The following GPHN variants were observed in gnomAD, a reference collection of about 807,000 sequenced individuals.
The protein encoded by GPHN is gephyrin.
GPHN carries 17 observed loss-of-function variants against 95.5 expected under a neutral mutation model. The ratio of observed to expected loss-of-function variants is 0.18; its 90% CI spans 0.12 to 0.27. The LOEUF is 0.27. GPHN is among the 10% of genes least tolerant of loss of function. The probability of loss-of-function intolerance (pLI) is 1.00; values close to 1 mark genes in which losing one functional copy is unlikely to be tolerated. For missense variants in GPHN, 660 were observed against 978.1 expected, an observed-to-expected ratio of 0.67 and a Z score of 4.34; for synonymous variants, 320 against 322.5, an observed-to-expected ratio of 0.99 and a Z score of 0.08.
At chr14:67,473,952 C>T in the GPHN span, 2 of 1,574,240 alleles carry the variant, frequency 1.3e-6, no homozygotes, top group East Asian at 4.6e-5. The surrounding 1 kb of genome is among the most constrained non-coding windows in gnomAD (Gnocchi z 6.5). Flanking sequence ...CTGCGGGGGG[C>T]GCAAGAGAGA....
At chr14:66,992,081 A>G (rs1430094878) in intron 9 of GPHN, among the ~76,000 whole-genome samples, 1 of 152,072 alleles carries the variant, frequency 6.6e-6, no homozygotes, top group Non-Finnish European at 1.5e-5. Flanking sequence ...AAAAGAAAGG[A>G]AAGGAATGAA....
intron 1 of GPHN, among the ~76,000 whole-genome samples, chr14:66,578,842 A>G (rs1314686300): frequency 1.3e-5 from 2 of 151,852 alleles, no homozygotes; most frequent in Non-Finnish European, 2.9e-5. Flanking sequence ...TTAAGCTGAA[A>G]GAAAAGGATG....
At chr14:67,559,661 C>A in the GPHN span, 119 of 1,606,648 alleles carry the variant, frequency 7.4e-5, 1 homozygote, top group Middle Eastern at 8.2e-4. Context: ...CTGCAAAGAT[C>A]AAGGAATGGG....
chr14:66,731,949 G>A (rs977718276), intron 2 of GPHN, among the ~76,000 whole-genome samples: 1 of 152,236 alleles, frequency 6.6e-6, no homozygotes, highest in South Asian at 2.1e-4. Flanking sequence ...TTCAGAGGGT[G>A]CAAGCCCCAA....
chr14:66,575,919 T>A (rs1296447455), intron 1 of GPHN, among the ~76,000 whole-genome samples: 1 of 152,138 alleles, frequency 6.6e-6, no homozygotes, highest in African/African-American at 2.4e-5. Flanking sequence ...GGGGCAGGCC[T>A]GGAACTTTAA....
chr14:67,150,222 C>T (rs1459117792), intron 18 of GPHN, among the ~76,000 whole-genome samples: 5 of 151,676 alleles, frequency 3.3e-5, no homozygotes, highest in Non-Finnish European at 7.4e-5. Flanking sequence ...GCGGGCGGAT[C>T]ACGAGATCAG....
chr14:66,741,660 G>A (rs2072803338), intron 2 of GPHN, among the ~76,000 whole-genome samples: 1 of 152,100 alleles, frequency 6.6e-6, no homozygotes, highest in Non-Finnish European at 1.5e-5. Context: ...TTTCAAGTTT[G>A]TACATATGTT....
chr14:66,562,277 C>T (rs963305360), intron 1 of GPHN, among the ~76,000 whole-genome samples: 1 of 152,088 alleles, frequency 6.6e-6, no homozygotes, highest in African/African-American at 2.4e-5. Flanking sequence ...AGTGTGATGA[C>T]TCTAGTATTG....
At chr14:67,376,543 C>T in the GPHN span, 1 of 1,614,086 alleles carries the variant, frequency 6.2e-7, no homozygotes, top group South Asian at 1.1e-5. Flanking sequence ...ATGACAAGTA[C>T]AAGAGACCTG....
At chr14:67,374,984 A>G in the GPHN span, among the ~76,000 whole-genome samples, 1 of 152,216 alleles carries the variant, frequency 6.6e-6, no homozygotes, top group Non-Finnish European at 1.5e-5. Flanking sequence ...AAGAATGAAC[A>G]GGGGTTTATA....
chr14:67,367,825 G>C, the GPHN span, among the ~76,000 whole-genome samples: 1 of 150,944 alleles, frequency 6.6e-6, no homozygotes, highest in Non-Finnish European at 1.5e-5. Context: ...GATAGAACCA[G>C]ACCTTGTCTC....
intron 4 of GPHN, among the ~76,000 whole-genome samples, chr14:66,860,077 A>G (rs1336936110): frequency 6.6e-6 from 1 of 152,174 alleles, no homozygotes; most frequent in Non-Finnish European, 1.5e-5. Flanking sequence ...ATAATATGAG[A>G]GAACTTCCAA....
chr14:67,393,217 A>C, the GPHN span: 1 of 1,613,898 alleles, frequency 6.2e-7, no homozygotes. Flanking sequence ...CGGTGTTGCT[A>C]TCGTGCATCT....
the GPHN span, chr14:67,726,849 G>C: frequency 2.7e-6 from 2 of 754,606 alleles, no homozygotes; most frequent in Non-Finnish European, 4.6e-6. Flanking sequence ...CTGACCATTA[G>C]AGTTACTCAT....
At chr14:67,727,126 T>G in the GPHN span, 1 of 1,614,200 alleles carries the variant, frequency 6.2e-7, no homozygotes, top group Non-Finnish European at 8.5e-7. Context: ...GCAGGGGTTT[T>G]GCCTATTGCC....
intron 5 of GPHN, among the ~76,000 whole-genome samples, chr14:66,904,451 A>G (rs544976503): frequency 6.6e-6 from 1 of 152,240 alleles, no homozygotes; most frequent in African/African-American, 2.4e-5. Flanking sequence ...CAGAGCACTG[A>G]TTGGTGTATT....
the GPHN span, chr14:67,473,716 G>T: frequency 4.4e-6 from 7 of 1,603,662 alleles, no homozygotes; most frequent in Non-Finnish European, 6.0e-6. This position sits in a 1 kb window ranked among gnomAD's most constrained non-coding sequence, Gnocchi z 6.5. Flanking sequence ...AGCGGGCAGC[G>T]GCCGCGCAGC....
At chr14:67,280,880 CCT>C in the GPHN span, among the ~76,000 whole-genome samples, 1 of 134,070 alleles carries the variant, frequency 7.5e-6, no homozygotes, top group African/African-American at 2.8e-5. Context: ...TCCCTCCCTC[CCT>C]TTTCTTTCTT....
the GPHN span, among the ~76,000 whole-genome samples, chr14:67,504,346 T>C: frequency 6.6e-6 from 1 of 152,196 alleles, no homozygotes; most frequent in African/African-American, 2.4e-5. Context: ...AAAATATAAG[T>C]ACGTTCCTCA....
Sources: allele counts gnomAD v4.1 joint callset (sites outside exome capture counted in the v4.1 genomes callset), GRCh38; gene constraint gnomAD v4.1.1; non-coding constraint Gnocchi (gnomAD v3.1); transcripts MANE v1.5; gene names NCBI Gene and HGNC (gene_info 2026-07-23, HGNC 2026-07-21).